Variants in RPRM observed in about 807,000 individuals in gnomAD.
RPRM encodes reprimo, TP53 dependent G2 arrest mediator homolog.
RPRM carries 3 observed loss-of-function variants against 5.2 expected under a neutral mutation model. That is an observed-to-expected ratio of 0.58 (90% confidence interval 0.26 to 1.50). The LOEUF (loss-of-function observed/expected upper bound fraction) is 1.50. Among genes scored for constraint, RPRM ranks in the 40% most tolerant of loss-of-function variants. RPRM has a pLI of 0.13. For synonymous variants in RPRM, 70 were observed against 69.9 expected (o/e 1.00, Z -0.01); for missense variants, 135 against 154.5 (o/e 0.87, Z 0.67).
Position 153,478,208 on chromosome 2 carries a change from A to C in RPRM, c.*28T>G. ...GGCTAGCAAAGTGGGCAGGCGTGGG[A>C]GCGGTTGCCGCGGGGGCAGAGGGCG... is the stretch of plus-strand genomic sequence containing the variant. On this transcript the variant is annotated 3_prime_UTR_variant, in exon 1 of 1. Transcript: ENST00000325926. The C allele has an allele frequency of 6.3e-7, 1 of 1,578,528 alleles. No homozygotes were observed. Among genetic ancestry groups the C allele is most frequent in the Non-Finnish European group, 8.6e-7 (1 of 1,158,696 alleles).
chr2:153,478,100 T>G lies in RPRM; in HGVS notation c.*136A>C. On this transcript the variant is annotated 3_prime_UTR_variant, in exon 1 of 1. Transcript: ENST00000325926. ...GGGCGAGGGAGAAACCGGTCGCTTC[T>G]TTCCGAAAGGCCGAAGTCGAGAGAA... 1 of 713,108 alleles carries G rather than the reference T, an allele frequency of 1.4e-6. No individual in the cohort carries two copies. 44.2% of individuals were successfully genotyped at this position (713,108 alleles called of 1,614,324 possible).
At position 153,478,176 on chromosome 2, in the gene RPRM, A is replaced by G; in HGVS notation, c.*60T>C. 7.2e-7 allele frequency: 1 copy of G among 1,388,170 alleles called. No individual in the cohort carries two copies. 86.0% of individuals were successfully genotyped at this position (1,388,170 alleles called of 1,614,324 possible). A position where few individuals can be genotyped will look rare whatever the true frequency, so the allele number is the denominator to read the frequency against. On this transcript the variant is annotated 3_prime_UTR_variant, in exon 1 of 1. Coordinates refer to ENST00000325926, the MANE Select transcript of RPRM (RefSeq NM_019845.3). ...CGCCCAGTCTCTGATAGTGAGGGGC[A>G]CAGCCGGGCTAGCAAAGTGGGCAGG...
chr2:153,478,600 TC>T lies in RPRM; in HGVS notation c.-36del. The T allele has an allele frequency of 6.7e-7, 1 of 1,491,028 alleles. No individual in the cohort carries two copies. Among genetic ancestry groups the T allele is most frequent in the Non-Finnish European group, 8.9e-7 (1 of 1,119,156 alleles). 92.4% of individuals were successfully genotyped at this position (1,491,028 alleles called of 1,614,324 possible). Reference sequence around the variant, plus strand: ...GGGCGGGCGCCGCGAGCGGCGCGGGTCCGAGGGGTGGGAAGGCGGCGGCGCT... The same window carrying T: ...GGGCGGGCGCCGCGAGCGGCGCGGGTCGAGGGGTGGGAAGGCGGCGGCGCT... On this transcript the variant is annotated 5_prime_UTR_variant, in exon 1 of 1. Coordinates refer to ENST00000325926, the MANE Select transcript of RPRM (RefSeq NM_019845.3).
rs1245671539 is a variant in RPRM at position 153,478,715 on chromosome 2, G to A, written c.-150C>T. 5.9e-6 allele frequency: 4 copies of A among 676,712 alleles called. No individual in the cohort carries two copies. The highest frequency in any genetic ancestry group is 7.5e-6 in the Non-Finnish European group (3 of 402,290). The allele number at this position is 676,712 out of a possible 1,614,324, so 41.9% of individuals were successfully genotyped here. On this transcript the variant is annotated 5_prime_UTR_variant, in exon 1 of 1. Coordinates refer to ENST00000325926, the MANE Select transcript of RPRM (RefSeq NM_019845.3). ...TGCTTTCGAAAGTCCCTGGGCCGTGGGAGTTTCCCAGGAGCCTCTCCGACG... is the reference window on the plus strand; with the variant it reads ...TGCTTTCGAAAGTCCCTGGGCCGTGAGAGTTTCCCAGGAGCCTCTCCGACG...
Position 153,478,737 on chromosome 2 carries a change from G to T in RPRM, c.-172C>A. 1 of 610,250 alleles carries T rather than the reference G, an allele frequency of 1.6e-6. No homozygotes were observed. Among genetic ancestry groups the T allele is most frequent in the Non-Finnish European group, 2.9e-6 (1 of 344,830 alleles). 37.8% of individuals were successfully genotyped at this position (610,250 alleles called of 1,614,324 possible). ...GTGGGAGTTTCCCAGGAGCCTCTCC[G>T]ACGCGCGCAGCAGCTAGGCTCTTCT... On this transcript the variant is annotated 5_prime_UTR_variant, in exon 1 of 1. Transcript: ENST00000325926.
In RPRM at chr2:153,478,659, G is replaced by A. The variant is rs996080545; in HGVS notation, c.-94C>T. ...CAGGTGCCGGGCTGAGCGCTCACTC[G>A]CAGACTAGCGCGTGCGAGGGCTCCT... On this transcript the variant is annotated 5_prime_UTR_variant, in exon 1 of 1. Coordinates refer to ENST00000325926, the MANE Select transcript of RPRM (RefSeq NM_019845.3). The A allele has an allele frequency of 2.2e-5, 22 of 1,022,106 alleles. No individual in the cohort carries two copies. Among genetic ancestry groups the A allele is most frequent in the Non-Finnish European group, 2.7e-5 (19 of 710,328 alleles). The allele number at this position is 1,022,106 out of a possible 1,614,324, so 63.3% of individuals were successfully genotyped here. A position where few individuals can be genotyped will look rare whatever the true frequency, so the allele number is the denominator to read the frequency against.
At position 153,477,683 on chromosome 2, in the gene RPRM, A is replaced by T. The variant is rs1684175016; in HGVS notation, c.*553T>A. On this transcript the variant is annotated 3_prime_UTR_variant, in exon 1 of 1. Transcript: ENST00000325926. The stretch of plus-strand genomic sequence containing the variant: ...CAAACATTTGTATTCAAGCAAACAA[A>T]CACAAAACCTCTTAAAACGGCACGT... 1 of 151,412 alleles carries T rather than the reference A, an allele frequency of 6.6e-6. No individual in the cohort carries two copies. The allele number at this position is 151,412 out of a possible 1,614,324, so 9.4% of individuals were successfully genotyped here.
Position 153,478,130 on chromosome 2 carries a change from T to A in RPRM, c.*106A>T. On this transcript the variant is annotated 3_prime_UTR_variant, in exon 1 of 1. Transcript: ENST00000325926. ...GAAAGGCCGAAGTCGAGAGAAATAA[T>A]TGACTCCGACAGGTTTGCTTCGCCC... The A allele has an allele frequency of 3.6e-6, 3 of 830,650 alleles. No homozygotes were observed. Among genetic ancestry groups the A allele is most frequent in the Admixed American group, 2.9e-5 (1 of 34,544 alleles). 51.5% of individuals were successfully genotyped at this position (830,650 alleles called of 1,614,324 possible). A position where few individuals can be genotyped will look rare whatever the true frequency, so the allele number is the denominator to read the frequency against.
At position 153,478,371 on chromosome 2, in the gene RPRM, G is replaced by C. The variant is rs1365488382; in HGVS notation, c.195C>G (p.Leu65=). The change falls in exon 1 of 1, where the codon CTC becomes CTG. Residue 65 remains leucine, a synonymous_variant. Transcript: ENST00000325926. ...RVVQIAVMCV[L]SLTVVFGIFF... is the part of the protein sequence containing the mutation. ...AGATGCCGAAGACCACGGTGAGTGA[G>C]AGCACGCACATGACCGCGATCTGCA... 5 of 1,613,266 alleles carry C rather than the reference G, an allele frequency of 3.1e-6. No individual in the cohort carries two copies. The highest frequency in any genetic ancestry group is 4.2e-6 in the Non-Finnish European group (5 of 1,179,732).
chr2:153,478,720 T>C lies in RPRM; in HGVS notation c.-155A>G, dbSNP rs1684197871. ...TCGAAAGTCCCTGGGCCGTGGGAGT[T>C]TCCCAGGAGCCTCTCCGACGCGCGC... On this transcript the variant is annotated 5_prime_UTR_variant, in exon 1 of 1. Transcript: ENST00000325926. The C allele has an allele frequency of 3.1e-6, 2 of 650,176 alleles. No individual in the cohort carries two copies. The highest frequency in any genetic ancestry group is 3.8e-5 in the African/African-American group (2 of 52,526). The allele number at this position is 650,176 out of a possible 1,614,324, so 40.3% of individuals were successfully genotyped here.
At position 153,478,729 on chromosome 2, in the gene RPRM, G is replaced by T. The variant is rs1325865741; in HGVS notation, c.-164C>A. 28 of 628,450 alleles carry T rather than the reference G, an allele frequency of 4.5e-5. No homozygotes were observed. Among genetic ancestry groups the T allele is most frequent in the Non-Finnish European group, 1.7e-5 (6 of 360,612 alleles). The allele number at this position is 628,450 out of a possible 1,614,324, so 38.9% of individuals were successfully genotyped here. On this transcript the variant is annotated 5_prime_UTR_variant, in exon 1 of 1. Coordinates refer to ENST00000325926, the MANE Select transcript of RPRM (RefSeq NM_019845.3). ...CCTGGGCCGTGGGAGTTTCCCAGGA[G>T]CCTCTCCGACGCGCGCAGCAGCTAG...
chr2:153,478,656 C>T lies in RPRM; in HGVS notation c.-91G>A. 1 of 1,075,500 alleles carries T rather than the reference C, an allele frequency of 9.3e-7. No homozygotes were observed. The highest frequency in any genetic ancestry group is 1.6e-5 in the South Asian group (1 of 60,728). 66.6% of individuals were successfully genotyped at this position (1,075,500 alleles called of 1,614,324 possible). A position where few individuals can be genotyped will look rare whatever the true frequency, so the allele number is the denominator to read the frequency against. On this transcript the variant is annotated 5_prime_UTR_variant, in exon 1 of 1. It adds an upstream start codon to the 5' untranslated region. Transcript: ENST00000325926. Reference sequence around the variant, plus strand: ...GAACAGGTGCCGGGCTGAGCGCTCACTCGCAGACTAGCGCGTGCGAGGGCT... The same window carrying T: ...GAACAGGTGCCGGGCTGAGCGCTCATTCGCAGACTAGCGCGTGCGAGGGCT...
At position 153,478,151 on chromosome 2, in the gene RPRM, C is replaced by T; in HGVS notation, c.*85G>A. ...ATAATTGACTCCGACAGGTTTGCTT[C>T]GCCCAGTCTCTGATAGTGAGGGGCA... is the stretch of plus-strand genomic sequence containing the variant. On this transcript the variant is annotated 3_prime_UTR_variant, in exon 1 of 1. Transcript: ENST00000325926. 1.9e-6 allele frequency: 2 copies of T among 1,057,122 alleles called. No homozygotes were observed. Among genetic ancestry groups the T allele is most frequent in the Non-Finnish European group, 2.7e-6 (2 of 734,730 alleles). 65.5% of individuals were successfully genotyped at this position (1,057,122 alleles called of 1,614,324 possible).
In RPRM at chr2:153,478,083, G is replaced by C; in HGVS notation, c.*153C>G. ...GCATGAGGACTTTCAGAGGGCGAGGGAGAAACCGGTCGCTTCTTTCCGAAA... is the reference window on the plus strand; with the variant it reads ...GCATGAGGACTTTCAGAGGGCGAGGCAGAAACCGGTCGCTTCTTTCCGAAA... On this transcript the variant is annotated 3_prime_UTR_variant, in exon 1 of 1. Transcript: ENST00000325926. The C allele has an allele frequency of 1.5e-6, 1 of 649,226 alleles. No individual in the cohort carries two copies. Among genetic ancestry groups the C allele is most frequent in the Non-Finnish European group, 2.6e-6 (1 of 381,710 alleles). The allele number at this position is 649,226 out of a possible 1,614,324, so 40.2% of individuals were successfully genotyped here. A position where few individuals can be genotyped will look rare whatever the true frequency, so the allele number is the denominator to read the frequency against.
rs1290790014 is a variant in RPRM at position 153,478,319 on chromosome 2, T to G, written c.247A>C (p.Lys83Gln). 1 of 1,613,884 alleles carries G rather than the reference T, an allele frequency of 6.2e-7. No homozygotes were observed. The highest frequency in any genetic ancestry group is 1.3e-5 in the African/African-American group (1 of 74,912). The part of the protein sequence containing the change: ...IFFLGCNLLI[K>Q]SEGMINFLVK... ...AGGAAGTTGATCATGCCCTCGGACT[T>G]GATGAGCAGATTGCAGCCGAGGAAG... The change falls in exon 1 of 1, where the codon AAG becomes CAG. Residue 83 changes from lysine to glutamine, a missense_variant. Coordinates refer to ENST00000325926, the MANE Select transcript of RPRM (RefSeq NM_019845.3).
chr2:153,478,360 ACGGTGAGTGAGAG>A lies in RPRM; in HGVS notation c.193_205del (p.Leu65TrpfsTer19), dbSNP rs767106777. On this transcript the variant is annotated frameshift_variant, in exon 1 of 1. Transcript: ENST00000325926. LOFTEE classifies it high-confidence loss of function. ...GCCGAGGAAGAAGATGCCGAAGACC[ACGGTGAGTGAGAG>A]CACGCACATGACCGCGATCTGCACC... 2 of 1,614,168 alleles carry A rather than the reference ACGGTGAGTGAGAG, an allele frequency of 1.2e-6. No individual in the cohort carries two copies. The highest frequency in any genetic ancestry group is 1.7e-6 in the Non-Finnish European group (2 of 1,180,006).
At position 153,478,130 on chromosome 2, in the gene RPRM, T is replaced by C. The variant is rs549086756; in HGVS notation, c.*106A>G. The C allele has an allele frequency of 1.4e-5, 12 of 830,698 alleles. No individual in the cohort carries two copies. In the East Asian group the frequency reaches 2.3e-4, roughly 16 times the overall value. The allele number at this position is 830,698 out of a possible 1,614,324, so 51.5% of individuals were successfully genotyped here. A position where few individuals can be genotyped will look rare whatever the true frequency, so the allele number is the denominator to read the frequency against. On this transcript the variant is annotated 3_prime_UTR_variant, in exon 1 of 1. Coordinates refer to ENST00000325926, the MANE Select transcript of RPRM (RefSeq NM_019845.3). ...GAAAGGCCGAAGTCGAGAGAAATAATTGACTCCGACAGGTTTGCTTCGCCC... is the reference window on the plus strand; with the variant it reads ...GAAAGGCCGAAGTCGAGAGAAATAACTGACTCCGACAGGTTTGCTTCGCCC...
rs1338484237 is a variant in RPRM at position 153,478,483 on chromosome 2, C to A, written c.83G>T (p.Arg28Leu). Residue 28 changes from arginine to leucine, a missense_variant, in exon 1 of 1, where the codon CGC (arginine) becomes CTC (leucine). Transcript: ENST00000325926. ...CACCACGGACGCCTGGGTGCAGCAG[C>A]GCACGGCTCGCTCCAGCGCCTCGCT... ...NSSEALERAV[R>L]CCTQASVVTD... The A allele has an allele frequency of 6.2e-7, 1 of 1,612,662 alleles. No homozygotes were observed. The highest frequency in any genetic ancestry group is 1.3e-5 in the African/African-American group (1 of 74,938).
In RPRM at chr2:153,478,018, T is replaced by C; in HGVS notation, c.*218A>G. The C allele has an allele frequency of 1.8e-6, 1 of 563,508 alleles. No homozygotes were observed. The allele number at this position is 563,508 out of a possible 1,614,324, so 34.9% of individuals were successfully genotyped here. On this transcript the variant is annotated 3_prime_UTR_variant, in exon 1 of 1. Coordinates refer to ENST00000325926, the MANE Select transcript of RPRM (RefSeq NM_019845.3). ...TAATCGCCCTCTTCTTGCCACTTTC[T>C]GCTGAGTTCAGAGTCTGGGCGCTCT...
Sources: gnomAD v4.1 joint callset for allele counts on GRCh38, gnomAD v4.1.1 for gene constraint, MANE v1.5 for transcripts, NCBI Gene and HGNC (gene_info 2026-07-23, HGNC 2026-07-21) for gene names.